The following LRRC37A3 variants were observed in gnomAD, a reference collection of about 807,000 sequenced individuals.
LRRC37A3 encodes leucine-rich repeat-containing protein 37A3.
A neutral mutation model predicts 106.2 loss-of-function variants in LRRC37A3; 25 were observed. That is an observed-to-expected ratio of 0.24 (90% CI 0.17 to 0.33). The LOEUF is 0.33. LRRC37A3 is among the 10% of genes least tolerant of loss of function. The probability of loss-of-function intolerance (pLI) is 1.00; values close to 1 mark genes in which losing one functional copy is unlikely to be tolerated. For missense variants in LRRC37A3, 712 were observed against 1,644.9 expected, an observed-to-expected ratio of 0.43 and a Z score of 9.81; for synonymous variants, 305 against 635.8, an observed-to-expected ratio of 0.48 and a Z score of 7.83.
intron 10 of LRRC37A3, among the ~76,000 whole-genome samples, chr17:64,865,781 C>T (rs1342441435): frequency 6.6e-6 from 1 of 152,140 alleles, no homozygotes; most frequent in African/African-American, 2.4e-5. Context: ...CTATGCGGTC[C>T]GTATACACAT....
intron 10 of LRRC37A3, among the ~76,000 whole-genome samples, chr17:64,868,131 C>T (rs1216262574): frequency 3.3e-5 from 5 of 151,990 alleles, no homozygotes; most frequent in African/African-American, 2.4e-5. Flanking sequence ...AGGCTACGTG[C>T]TATATGATTT....
intron 10 of LRRC37A3, among the ~76,000 whole-genome samples, chr17:64,864,748 G>T (rs1397295997): frequency 6.6e-6 from 1 of 151,402 alleles, no homozygotes; most frequent in African/African-American, 2.4e-5. Context: ...AATGAATTTT[G>T]AGGATCAAAT....
chr17:64,908,963 C>T (rs1358807149), intron 2 of LRRC37A3, among the ~76,000 whole-genome samples: 3 of 151,538 alleles, frequency 2.0e-5, no homozygotes, highest in East Asian at 1.9e-4. Context: ...TTAATAGAGA[C>T]GGGGTCTCAC....
chr17:64,876,191 T>C lies in LRRC37A3; in HGVS notation c.2907-7025A>G, dbSNP rs538076502. On this transcript the variant is annotated intron_variant, in intron 8 of 14. Coordinates refer to ENST00000584306, the MANE Select transcript of LRRC37A3 (RefSeq NM_199340.5). Reference sequence around the variant, plus strand: ...GGCCACAAACATTTTGTTTTTTTACTGTTCATTTTTCAAGACAGGTTTTCA... The same window carrying C: ...GGCCACAAACATTTTGTTTTTTTACCGTTCATTTTTCAAGACAGGTTTTCA... Among the ~76,000 whole-genome samples, 54 of 152,278 alleles carry C rather than the reference T, an allele frequency of 3.5e-4. No homozygotes were observed. In the South Asian group the frequency reaches 0.011, roughly 30 times the overall value.
intron 8 of LRRC37A3, among the ~76,000 whole-genome samples, chr17:64,880,548 G>A (rs1400449293): frequency 6.6e-6 from 1 of 152,102 alleles, no homozygotes. Flanking sequence ...CCAGTCCATC[G>A]ACTTTTTGGT....
At chr17:64,857,090 G>A (rs185814717) in intron 13 of LRRC37A3, among the ~76,000 whole-genome samples, 9 of 152,344 alleles carry the variant, frequency 5.9e-5, no homozygotes, top group African/African-American at 1.4e-4. Context: ...CATACTAAAT[G>A]ATAAATGTTA....
intron 8 of LRRC37A3, among the ~76,000 whole-genome samples, chr17:64,874,185 G>A (rs1343270962): frequency 6.6e-6 from 1 of 152,242 alleles, no homozygotes; most frequent in Admixed American, 6.5e-5. Context: ...ATTGCTTGAA[G>A]CCAGGAGTTG....
In LRRC37A3 at chr17:64,854,297, G is replaced by A. The variant is rs1972603420; in HGVS notation, c.*302C>T. ...TCCTATGATAGGGGCCAGGAGATGGGAGGTCCCCTGTGGGCAGGAGTTCAA... is the reference window on the plus strand; with the variant it reads ...TCCTATGATAGGGGCCAGGAGATGGAAGGTCCCCTGTGGGCAGGAGTTCAA... On this transcript the variant is annotated 3_prime_UTR_variant, in exon 15 of 15. Transcript: ENST00000584306. The A allele has an allele frequency of 1.9e-6, 1 of 521,122 alleles. No individual in the cohort carries two copies. Among genetic ancestry groups the A allele is most frequent in the African/African-American group, 1.9e-5 (1 of 52,226 alleles). The allele number at this position is 521,122 out of a possible 1,614,324, so 32.3% of individuals were successfully genotyped here.
intron 8 of LRRC37A3, among the ~76,000 whole-genome samples, chr17:64,880,002 C>T (rs1973643698): frequency 6.6e-6 from 1 of 152,054 alleles, no homozygotes; most frequent in South Asian, 2.1e-4. Flanking sequence ...ACTCTCCAAC[C>T]TTCCCTCTTT....
Position 64,860,888 on chromosome 17 carries a change from A to T in LRRC37A3, c.3258T>A (p.Ile1086=). ...TGTCTGAGGGCTCCTCCGGCTCAAT[A>T]ATCAGCTCAGTGCTTGTGTAATTCT... ...ARKNYTSTEL[I]IEPEEPSDSS... is the part of the protein sequence containing the mutation. Residue 1086 remains isoleucine (I), a synonymous_variant, in exon 12 of 15, where the codon ATT becomes ATA. Coordinates refer to ENST00000584306, the MANE Select transcript of LRRC37A3 (RefSeq NM_199340.5). 6.2e-7 allele frequency: 1 copy of T among 1,614,166 alleles called. No homozygotes were observed. The highest frequency in any genetic ancestry group is 8.5e-7 in the Non-Finnish European group (1 of 1,180,016).
At chr17:64,862,846 G>T (rs1315553966) in intron 11 of LRRC37A3, 54 bp downstream of exon 11, 7 of 1,586,552 alleles carry the variant, frequency 4.4e-6, no homozygotes, top group Non-Finnish European at 6.0e-6. Context: ...AAAATAAAAA[G>T]TTTAAAAACA....
chr17:64,917,029 A>C (rs1357340807), intron 2 of LRRC37A3, among the ~76,000 whole-genome samples: 3 of 151,324 alleles, frequency 2.0e-5, no homozygotes, highest in African/African-American at 7.3e-5. Flanking sequence ...GCAGATCACG[A>C]GGTCAGGATA....
At chr17:64,916,717 T>G (rs1598440241) in intron 2 of LRRC37A3, among the ~76,000 whole-genome samples, 8 of 137,610 alleles carry the variant, frequency 5.8e-5, no homozygotes, top group African/African-American at 2.0e-4. Flanking sequence ...ACCCAGAAGG[T>G]GGCGGCTGCA....
At chr17:64,910,828 G>T (rs535944565) in intron 2 of LRRC37A3, among the ~76,000 whole-genome samples, 1 of 148,850 alleles carries the variant, frequency 6.7e-6, no homozygotes, top group Non-Finnish European at 1.5e-5. Flanking sequence ...TTTTAGTAGA[G>T]ACGGGGTCTC....
chr17:64,855,340 G>A (rs1017591751), intron 14 of LRRC37A3, among the ~76,000 whole-genome samples: 23 of 150,698 alleles, frequency 1.5e-4, no homozygotes, highest in Non-Finnish European at 3.1e-4. Flanking sequence ...TCTCACACCC[G>A]GTGGCCTTCC....
chr17:64,916,382 C>T (rs1257341031), intron 2 of LRRC37A3, among the ~76,000 whole-genome samples: 7 of 151,896 alleles, frequency 4.6e-5, no homozygotes, highest in South Asian at 4.2e-4. Flanking sequence ...TCCAGCCTGG[C>T]GACACAGCGA....
chr17:64,874,509 T>C (rs1973438243), intron 8 of LRRC37A3, among the ~76,000 whole-genome samples: 2 of 150,592 alleles, frequency 1.3e-5, no homozygotes, highest in African/African-American at 4.9e-5. Context: ...AGCCGCCCCG[T>C]CCGGGAGGTG....
At chr17:64,881,227 T>TTTTTC (rs201419991) in intron 8 of LRRC37A3, 9,240 of 698,740 alleles carry the variant, frequency 0.013, 323 homozygotes, top group African/African-American at 0.097. Flanking sequence ...ACAGTGAGCC[T>TTTTTC]TTTTCTTTTC....
intron 12 of LRRC37A3, 129 bp downstream of exon 12, chr17:64,859,313 G>A: frequency 9.5e-7 from 1 of 1,056,616 alleles, no homozygotes; most frequent in Non-Finnish European, 1.4e-6. Context: ...GGAGATCACT[G>A]TCATGACCAA....
Sources: allele counts gnomAD v4.1 joint callset (sites outside exome capture counted in the v4.1 genomes callset), GRCh38; gene constraint gnomAD v4.1.1; transcripts MANE v1.5; gene names NCBI Gene and HGNC (gene_info 2026-07-23, HGNC 2026-07-21).